The following CAMK1D variants were observed in gnomAD, a reference collection of about 807,000 sequenced individuals.
CAMK1D encodes calcium/calmodulin-dependent protein kinase type 1D.
A neutral mutation model predicts 47.7 loss-of-function variants in CAMK1D; 9 were observed. The observed-to-expected ratio is 0.19, with a 90% CI of 0.11 to 0.33. The LOEUF is 0.33. CAMK1D is among the 10% of genes least tolerant of loss of function. CAMK1D has a pLI of 1.00. For missense variants in CAMK1D, 291 were observed against 488.7 expected (o/e 0.60, Z 3.81); for synonymous variants, 184 against 184.9 (o/e 0.99, Z 0.04).
intron 8 of CAMK1D, among the ~76,000 whole-genome samples, chr10:12,818,092 C>T (rs1262192237): frequency 6.6e-6 from 1 of 152,102 alleles, no homozygotes; most frequent in Non-Finnish European, 1.5e-5. Flanking sequence ...ACCTTGAGAT[C>T]AGGAGAAAAT....
At chr10:12,588,877 T>TGTGC (rs1260283523) in intron 2 of CAMK1D, among the ~76,000 whole-genome samples, 4 of 134,362 alleles carry the variant, frequency 3.0e-5, no homozygotes, top group East Asian at 4.2e-4. Context: ...TGTGTGTGTG[T>TGTGC]GTGTGTGCGT....
intron 1 of CAMK1D, among the ~76,000 whole-genome samples, chr10:12,486,334 AT>A (rs1834214915): frequency 6.6e-6 from 1 of 151,834 alleles, no homozygotes; most frequent in Non-Finnish European, 1.5e-5. Context: ...AATTTTTTGT[AT>A]TTTTAGTAGA....
chr10:12,823,338 T>C, intron 8 of CAMK1D, among the ~76,000 whole-genome samples: 1 of 152,090 alleles, frequency 6.6e-6, no homozygotes, highest in African/African-American at 2.4e-5. Flanking sequence ...AGCCATCAGA[T>C]AGTAACCCAG....
intron 1 of CAMK1D, among the ~76,000 whole-genome samples, chr10:12,464,928 A>G (rs961662083): frequency 5.3e-5 from 8 of 152,232 alleles, no homozygotes; most frequent in African/African-American, 1.4e-4. Flanking sequence ...TCTAAAGCAG[A>G]ACATCACATT....
At chr10:12,647,451 C>G (rs1022424259) in intron 2 of CAMK1D, among the ~76,000 whole-genome samples, 1 of 152,110 alleles carries the variant, frequency 6.6e-6, no homozygotes, top group Non-Finnish European at 1.5e-5. Context: ...ACCCAGCCCT[C>G]CGCCTAGTTT....
intron 3 of CAMK1D, among the ~76,000 whole-genome samples, chr10:12,674,890 G>A (rs1017169721): frequency 1.3e-5 from 2 of 151,968 alleles, no homozygotes; most frequent in East Asian, 1.9e-4. Context: ...AAATTAGCTC[G>A]GTGTGATGGC....
At chr10:12,451,034 C>T (rs924786300) in intron 1 of CAMK1D, among the ~76,000 whole-genome samples, 3 of 152,108 alleles carry the variant, frequency 2.0e-5, no homozygotes, top group African/African-American at 7.2e-5. Context: ...GGGTGTCTGC[C>T]ATGGGCCGGG....
rs1372825102 is a variant in CAMK1D at position 12,831,651 on chromosome 10, G to A, written c.*2764G>A. The A allele has an allele frequency of 2.0e-5, 3 of 152,166 alleles. No homozygotes were observed. The highest frequency in any genetic ancestry group is 1.9e-4 in the East Asian group (1 of 5,196). The allele number at this position is 152,166 out of a possible 1,614,324, so 9.4% of individuals were successfully genotyped here. A position where few individuals can be genotyped will look rare whatever the true frequency, so the allele number is the denominator to read the frequency against. On this transcript the variant is annotated 3_prime_UTR_variant, in exon 11 of 11. Coordinates refer to ENST00000619168, the MANE Select transcript of CAMK1D (RefSeq NM_153498.4). ...GGCCATGCTTGGCCTGTCACACGCC[G>A]GGTCTCAACAACATCGTGCGAGGAG...
chr10:12,515,274 C>T (rs1352337364), intron 1 of CAMK1D, among the ~76,000 whole-genome samples: 6 of 152,148 alleles, frequency 3.9e-5, no homozygotes, highest in African/African-American at 7.2e-5. Context: ...CCACCACAAT[C>T]GGATACAGAA....
chr10:12,759,923 AG>A (rs1836420946), intron 3 of CAMK1D, among the ~76,000 whole-genome samples: 1 of 152,170 alleles, frequency 6.6e-6, no homozygotes, highest in Non-Finnish European at 1.5e-5. Flanking sequence ...TATCTGTGAA[AG>A]CTTTAAGGGT....
chr10:12,500,918 C>T (rs2132139717), intron 1 of CAMK1D, among the ~76,000 whole-genome samples: 1 of 152,356 alleles, frequency 6.6e-6, no homozygotes, highest in Non-Finnish European at 1.5e-5. Flanking sequence ...TAGATTGCTT[C>T]AGTGCAGCCT....
intron 1 of CAMK1D, among the ~76,000 whole-genome samples, chr10:12,512,707 G>A (rs1835076376): frequency 6.6e-6 from 1 of 152,128 alleles, no homozygotes; most frequent in South Asian, 2.1e-4. Context: ...CACAGTGGAT[G>A]GTCAATCTTT....
At chr10:12,798,993 G>A (rs1418021453) in intron 6 of CAMK1D, among the ~76,000 whole-genome samples, 1 of 152,154 alleles carries the variant, frequency 6.6e-6, no homozygotes, top group Non-Finnish European at 1.5e-5. Context: ...CAGCTCCACG[G>A]TGGGTGGCAC....
Position 12,403,260 on chromosome 10 carries a change from C to G in CAMK1D, c.92+53350C>G, listed in dbSNP as rs899210984. Among the ~76,000 whole-genome samples the G allele has an allele frequency of 3.3e-5, 5 of 152,336 alleles. No homozygotes were observed. The East Asian group carries it at 9.6e-4, about 29-fold the overall frequency. ...TTACAACAAGTTGGCATCCGCTTGC[C>G]AGCTTGTGTTCACATGGACATCTGC... On this transcript the variant is annotated intron_variant, in intron 1 of 10. Transcript: ENST00000619168.
intron 3 of CAMK1D, among the ~76,000 whole-genome samples, chr10:12,741,337 A>T (rs899988064): frequency 6.6e-6 from 1 of 152,184 alleles, no homozygotes; most frequent in Non-Finnish European, 1.5e-5. Flanking sequence ...AAGTTCAGCA[A>T]ATCCCTCTGC....
intron 3 of CAMK1D, among the ~76,000 whole-genome samples, chr10:12,734,452 ATATATACACATACACATATGTG>A (rs58234424): frequency 0.92 from 91,168 of 98,936 alleles, 43,236 homozygotes; most frequent in Non-Finnish European, 0.99. Context: ...ACATATGTGT[ATATATACACATACACATATGTG>A]TATATATACA....
At chr10:12,816,882 A>G (rs1437327375) in intron 8 of CAMK1D, among the ~76,000 whole-genome samples, 4 of 149,490 alleles carry the variant, frequency 2.7e-5, no homozygotes, top group African/African-American at 1.0e-4. Flanking sequence ...CAAAAAAAAA[A>G]AAAAAAAAAA....
intron 2 of CAMK1D, among the ~76,000 whole-genome samples, chr10:12,577,885 C>G (rs555201250): frequency 6.6e-6 from 1 of 152,172 alleles, no homozygotes. Flanking sequence ...CAGTTATCTA[C>G]GTAAAAAATC....
chr10:12,820,077 G>A (rs1466900075), intron 8 of CAMK1D, among the ~76,000 whole-genome samples: 2 of 152,226 alleles, frequency 1.3e-5, no homozygotes, highest in Non-Finnish European at 2.9e-5. Context: ...GCCTCACTCT[G>A]TCGCCAGGCT....
Sources: gnomAD v4.1 joint callset for allele counts (sites outside exome capture counted in the v4.1 genomes callset) on GRCh38, gnomAD v4.1.1 for gene constraint, MANE v1.5 for transcripts, NCBI Gene and HGNC (gene_info 2026-07-23, HGNC 2026-07-21) for gene names.